The following SLC19A2 variants were observed in gnomAD, a reference collection of about 807,000 sequenced individuals.
SLC19A2 encodes solute carrier family 19 member 2, also known as thiamine transporter 1.
Under a neutral mutation model 44.7 loss-of-function variants are expected in SLC19A2, and 27 were observed. That is an observed-to-expected ratio of 0.60 (90% confidence interval 0.45 to 0.83). The LOEUF (loss-of-function observed/expected upper bound fraction) is 0.83, where lower values mean the gene tolerates loss of function less well. SLC19A2 is among the 40% of genes least tolerant of loss of function. SLC19A2 has a pLI of 0.00. For synonymous variants in SLC19A2, 239 were observed against 243.6 expected (o/e 0.98, Z 0.18); for missense variants, 566 against 613.7 (o/e 0.92, Z 0.82).
chr1:169,472,898 T>C (rs1658222027), intron 2 of SLC19A2, among the ~76,000 whole-genome samples: 1 of 152,248 alleles, frequency 6.6e-6, no homozygotes, highest in South Asian at 2.1e-4. Context: ...TTTATTTCTA[T>C]TACATCAAAA....
chr1:169,471,875 T>C (rs1407391193), intron 2 of SLC19A2, among the ~76,000 whole-genome samples: 1 of 152,110 alleles, frequency 6.6e-6, no homozygotes, highest in Non-Finnish European at 1.5e-5. Context: ...TACCTTCTCA[T>C]ACCATCCCAA....
At chr1:169,481,355 A>G (rs1272574158) in intron 1 of SLC19A2, among the ~76,000 whole-genome samples, 1 of 152,244 alleles carries the variant, frequency 6.6e-6, no homozygotes, top group Non-Finnish European at 1.5e-5. Flanking sequence ...AATCCGCCAC[A>G]CTAAAATGCC....
At chr1:169,481,473 T>C (rs577529119) in intron 1 of SLC19A2, among the ~76,000 whole-genome samples, 11 of 152,252 alleles carry the variant, frequency 7.2e-5, no homozygotes, top group Admixed American at 7.2e-4. Context: ...TTACAGGGCA[T>C]TCATGAAGAG....
chr1:169,466,169 C>A (rs1195955455), intron 5 of SLC19A2, among the ~76,000 whole-genome samples, 192 bp from the exon 6 acceptor site: 1 of 152,164 alleles, frequency 6.6e-6, no homozygotes, highest in African/African-American at 2.4e-5. Context: ...GAGTGTGAAT[C>A]CTGACTTCAT....
chr1:169,469,837 G>C (rs1170383229), intron 3 of SLC19A2, 127 bp downstream of exon 3: 2 of 882,520 alleles, frequency 2.3e-6, no homozygotes, highest in Non-Finnish European at 3.7e-6. Context: ...GTAAAATCTA[G>C]CTCAAAATAA....
chr1:169,467,211 G>A (rs1197902234), intron 5 of SLC19A2, among the ~76,000 whole-genome samples: 2 of 152,114 alleles, frequency 1.3e-5, no homozygotes, highest in African/African-American at 4.8e-5. Flanking sequence ...CCTGAAATAA[G>A]TTTTGGGGTT....
intron 1 of SLC19A2, among the ~76,000 whole-genome samples, chr1:169,485,330 C>G (rs1658530513): frequency 6.6e-6 from 1 of 152,248 alleles, no homozygotes; most frequent in South Asian, 2.1e-4. Flanking sequence ...ACGCACAAGG[C>G]ACGGGGCCTC....
chr1:169,480,472 C>G (rs1010839403), intron 1 of SLC19A2, among the ~76,000 whole-genome samples: 1 of 151,980 alleles, frequency 6.6e-6, no homozygotes. Flanking sequence ...GTCACCATGC[C>G]GGGCCAATTT....
At position 169,468,769 on chromosome 1, in the gene SLC19A2, T is replaced by G. The variant is rs752541355; in HGVS notation, c.1098A>C (p.Leu366Phe). 3.7e-6 allele frequency: 6 copies of G among 1,613,548 alleles called. No homozygotes were observed. In the East Asian group the frequency reaches 6.7e-5, roughly 18 times the overall value. The change falls in exon 4 of 6, where the codon TTA (leucine) becomes TTC (phenylalanine). Residue 366 changes from leucine to phenylalanine, a missense_variant. Leu to Phe is a conservative substitution (Grantham distance 22). Coordinates refer to ENST00000236137, the MANE Select transcript of SLC19A2 (RefSeq NM_006996.3). ...CAGCAATCAGGAGAGAAAAGAGAGATAATGTCATTTCTCCCCAAGTTGACC... is the reference window on the plus strand; with the variant it reads ...CAGCAATCAGGAGAGAAAAGAGAGAGAATGTCATTTCTCCCCAAGTTGACC... ...ISWSTWGEMT[L>F]SLFSLLIAAA...
In SLC19A2 at chr1:169,470,038, A is replaced by T; in HGVS notation, c.956T>A (p.Leu319Gln). 6.2e-7 allele frequency: 1 copy of T among 1,614,046 alleles called. No individual in the cohort carries two copies. The highest frequency in any genetic ancestry group is 8.5e-7 in the Non-Finnish European group (1 of 1,179,942). Residue 319 changes from leucine (L) to glutamine (Q), a missense_variant, in exon 3 of 6, where the codon CTG becomes CAG. Leu to Gln is a moderately radical substitution (Grantham distance 113). Coordinates refer to ENST00000236137, the MANE Select transcript of SLC19A2 (RefSeq NM_006996.3). ...GCGAGAAGGCATCACTTTCTCCCAC[A>T]GGCCCTGTGTGTAGTTCACAACTTG... is the stretch of plus-strand genomic sequence containing the variant. ...YFQVVNYTQG[L>Q]WEKVMPSRYA...
At chr1:169,475,548 C>T (rs111725015) in intron 2 of SLC19A2, among the ~76,000 whole-genome samples, 82 of 152,256 alleles carry the variant, frequency 5.4e-4, no homozygotes, top group African/African-American at 1.9e-3. Flanking sequence ...CACTGTAACA[C>T]ATTCAAAACA....
At chr1:169,473,237 ATTTAT>A (rs1244553134) in intron 2 of SLC19A2, among the ~76,000 whole-genome samples, 2 of 151,556 alleles carry the variant, frequency 1.3e-5, no homozygotes, top group Non-Finnish European at 2.9e-5. Context: ...TGGAAATTTT[ATTTAT>A]TTATTTATTT....
At chr1:169,472,086 AC>A (rs1394463480) in intron 2 of SLC19A2, among the ~76,000 whole-genome samples, 3 of 152,192 alleles carry the variant, frequency 2.0e-5, no homozygotes. Context: ...AGTACAACAT[AC>A]TGCTGTTACA....
Position 169,485,575 on chromosome 1 carries a change from C to A in SLC19A2, c.192G>T (p.Leu64=), listed in dbSNP as rs1255600384. Residue 64 remains leucine, a synonymous_variant, in exon 1 of 6, where the codon CTG becomes CTT. Transcript: ENST00000236137. ...TPYLLGPDKN[L]TEREVFNEIY... is the part of the protein sequence containing the mutation. ...CCGCCGCGCGTACCTCCCTCTCGGT[C>A]AGGTTCTTGTCCGGCCCCAGCAGGT... 2 of 1,586,448 alleles carry A rather than the reference C, an allele frequency of 1.3e-6. No individual in the cohort carries two copies. Among genetic ancestry groups the A allele is most frequent in the South Asian group, 2.3e-5 (2 of 87,108 alleles).
rs962806740 is a variant in SLC19A2 at position 169,465,485 on chromosome 1, C to G, written c.*364G>C. ...GCCCTGGTCCCACCAGGCCAAGCAT[C>G]TGGCTAAGTAGATACAGACATATGT... is the stretch of plus-strand genomic sequence containing the variant. On this transcript the variant is annotated 3_prime_UTR_variant, in exon 6 of 6. Coordinates refer to ENST00000236137, the MANE Select transcript of SLC19A2 (RefSeq NM_006996.3). 3 of 260,976 alleles carry G rather than the reference C, an allele frequency of 1.1e-5. No individual in the cohort carries two copies. The highest frequency in any genetic ancestry group is 2.2e-5 in the Non-Finnish European group (3 of 134,002). 16.2% of individuals were successfully genotyped at this position (260,976 alleles called of 1,614,324 possible).
intron 2 of SLC19A2, among the ~76,000 whole-genome samples, chr1:169,475,715 T>C (rs181405927): frequency 2.9e-4 from 44 of 152,290 alleles, no homozygotes; most frequent in Non-Finnish European, 3.2e-4. Flanking sequence ...TCCTTGGTCA[T>C]TCTGACAAAA....
rs751968628 is a variant in SLC19A2, at chr1:169,465,911, C to T, written c.1432G>A (p.Val478Ile). ...TCCAGCTTTCTACATTTCTTCATAA[C>T]ACTGACTGCACCACTGGCCAGGAAA... is the stretch of plus-strand genomic sequence containing the variant. ...VVFLASGAVSVMKKCRKLEDP... is the reference protein window; with the variant it reads ...VVFLASGAVSIMKKCRKLEDP... The change falls in exon 6 of 6, where the codon GTT becomes ATT. Residue 478 changes from valine (V) to isoleucine (I), a missense_variant. Val to Ile is a conservative substitution (Grantham distance 29, BLOSUM62 3). Transcript: ENST00000236137. 6.2e-7 allele frequency: 1 copy of T among 1,614,112 alleles called. No homozygotes were observed. The highest frequency in any genetic ancestry group is 2.2e-5 in the East Asian group (1 of 44,882).
chr1:169,469,552 G>GT (rs1392057550), intron 3 of SLC19A2, among the ~76,000 whole-genome samples: 1 of 152,074 alleles, frequency 6.6e-6, no homozygotes, highest in African/African-American at 2.4e-5. Context: ...ATTTTGTGAG[G>GT]ATTGAGTTAA....
chr1:169,476,925 T>C (rs1658333001), intron 2 of SLC19A2, among the ~76,000 whole-genome samples: 2 of 152,178 alleles, frequency 1.3e-5, no homozygotes, highest in Non-Finnish European at 2.9e-5. Flanking sequence ...GCTGTATCAG[T>C]CTGACTTTGG....
Sources: allele counts gnomAD v4.1 joint callset (sites outside exome capture counted in the v4.1 genomes callset), GRCh38; gene constraint gnomAD v4.1.1; transcripts MANE v1.5; gene names NCBI Gene and HGNC (gene_info 2026-07-23, HGNC 2026-07-21).